ST3GAL3: variants seen among roughly 807,000 people sequenced by gnomAD.
The protein encoded by ST3GAL3 is ST3 beta-galactoside alpha-2,3-sialyltransferase 3.
A neutral mutation model predicts 50.1 loss-of-function variants in ST3GAL3; 21 were observed. The observed-to-expected ratio is 0.42, with a 90% CI of 0.30 to 0.60. ST3GAL3 has a LOEUF of 0.60. Among genes scored for constraint, ST3GAL3 ranks in the 20% least tolerant of loss-of-function variants. The pLI is 0.19. For missense variants in ST3GAL3, 353 were observed against 489.4 expected, an observed-to-expected ratio of 0.72 and a Z score of 2.63; for synonymous variants, 183 against 190.0, an observed-to-expected ratio of 0.96 and a Z score of 0.30.
At chr1:43,824,314 T>G (rs1274317624) in intron 4 of ST3GAL3, among the ~76,000 whole-genome samples, 4 of 151,860 alleles carry the variant, frequency 2.6e-5, no homozygotes, top group Non-Finnish European at 5.9e-5. Context: ...TTGAAGAACT[T>G]CTGCCACCAT....
chr1:43,752,515 G>T (rs1686549089), intron 2 of ST3GAL3, among the ~76,000 whole-genome samples: 1 of 151,930 alleles, frequency 6.6e-6, no homozygotes, highest in African/African-American at 2.4e-5. Context: ...TTGTTTGTTT[G>T]TTTCAGACAG....
At chr1:43,777,617 T>G (rs887607764) in intron 2 of ST3GAL3, among the ~76,000 whole-genome samples, 2 of 152,132 alleles carry the variant, frequency 1.3e-5, no homozygotes, top group Non-Finnish European at 2.9e-5. Context: ...CAAGACGGAT[T>G]AAAGACTTAA....
chr1:43,774,981 A>G (rs1343490187), intron 2 of ST3GAL3, among the ~76,000 whole-genome samples: 2 of 152,100 alleles, frequency 1.3e-5, no homozygotes, highest in Non-Finnish European at 2.9e-5. Flanking sequence ...CCAGTCTGAG[A>G]TGCTATCTCA....
chr1:43,776,870 A>G (rs1053692946), intron 2 of ST3GAL3, among the ~76,000 whole-genome samples: 2 of 152,206 alleles, frequency 1.3e-5, no homozygotes, highest in Admixed American at 6.5e-5. Context: ...TCTCATGAGA[A>G]AGTATAAAGA....
intron 11 of ST3GAL3, 53 bp downstream of exon 11, chr1:43,920,981 A>T (rs1490133563): frequency 6.4e-7 from 1 of 1,551,492 alleles, no homozygotes; most frequent in Non-Finnish European, 8.7e-7. Context: ...GGGGAGGTGC[A>T]TAAATGAGTA....
chr1:43,848,367 G>A (rs1252155842), intron 5 of ST3GAL3, among the ~76,000 whole-genome samples: 1 of 145,750 alleles, frequency 6.9e-6, no homozygotes, highest in Non-Finnish European at 1.5e-5. Context: ...GTGCAATGGC[G>A]CGATCTTGGT....
intron 2 of ST3GAL3, among the ~76,000 whole-genome samples, chr1:43,754,884 A>G (rs1299945196): frequency 6.6e-6 from 1 of 151,848 alleles, no homozygotes; most frequent in East Asian, 1.9e-4. Context: ...TGTGAGGTCA[A>G]GGCTGCACTC....
In ST3GAL3 at chr1:43,775,285, G is replaced by A. The variant is rs113540240; in HGVS notation, c.119-16817G>A. 7.5e-3 allele frequency among the ~76,000 whole-genome samples: 1,130 copies of A among 151,262 alleles called. 13 individuals carry two copies. The highest frequency in any genetic ancestry group is 9.6e-3 in the Non-Finnish European group (653 of 67,898). Reference sequence around the variant, plus strand: ...TCGCGCTCTTGTCACCCAGGCTGGAGTGGAATGGTATGATCTCAGCTCACT... The same window carrying A: ...TCGCGCTCTTGTCACCCAGGCTGGAATGGAATGGTATGATCTCAGCTCACT... On this transcript the variant is annotated intron_variant, in intron 2 of 11. Coordinates refer to ENST00000347631, the MANE Select transcript of ST3GAL3 (RefSeq NM_006279.5).
chr1:43,930,105 A>G (rs2084814025), intron 11 of ST3GAL3, 27 bp from the exon 12 acceptor site: 2 of 1,609,832 alleles, frequency 1.2e-6, no homozygotes, highest in Admixed American at 3.3e-5. Context: ...GCAAAGGCCC[A>G]ACTGATCACT....
intron 5 of ST3GAL3, among the ~76,000 whole-genome samples, chr1:43,866,058 A>G (rs1229848396): frequency 6.6e-6 from 1 of 152,196 alleles, no homozygotes; most frequent in Non-Finnish European, 1.5e-5. Context: ...CTCCTCTGGA[A>G]TTATCACTGT....
intron 1 of ST3GAL3, among the ~76,000 whole-genome samples, chr1:43,715,459 C>T (rs1007930931): frequency 4.7e-4 from 71 of 151,874 alleles, no homozygotes; most frequent in Non-Finnish European, 9.9e-4. Context: ...GCCTCTGGTA[C>T]CCCCTACTTG....
At chr1:43,857,147 T>C (rs2068556771) in intron 5 of ST3GAL3, among the ~76,000 whole-genome samples, 1 of 152,184 alleles carries the variant, frequency 6.6e-6, no homozygotes, top group African/African-American at 2.4e-5. Flanking sequence ...CTTATCCCTT[T>C]CTAACTTCTA....
intron 5 of ST3GAL3, chr1:43,841,112 C>T (rs748280600): frequency 3.9e-5 from 6 of 152,316 alleles, no homozygotes; most frequent in Non-Finnish European, 8.8e-5. Context: ...GCCCCTGTGG[C>T]TTTGCAGGGT....
chr1:43,720,412 G>A (rs962949728), intron 1 of ST3GAL3: 2 of 152,148 alleles, frequency 1.3e-5, no homozygotes, highest in African/African-American at 4.8e-5. Flanking sequence ...AGTCCATTTT[G>A]TGTTACTATA....
intron 4 of ST3GAL3, among the ~76,000 whole-genome samples, chr1:43,836,664 GT>G (rs1055846652): frequency 1.3e-5 from 2 of 152,246 alleles, no homozygotes; most frequent in Non-Finnish European, 2.9e-5. Flanking sequence ...AAGGGTGGGG[GT>G]GGAGGAGGTG....
intron 1 of ST3GAL3, among the ~76,000 whole-genome samples, chr1:43,732,171 C>T (rs919616450): frequency 1.3e-5 from 2 of 152,192 alleles, no homozygotes; most frequent in African/African-American, 2.4e-5. Flanking sequence ...TGTTATTCTC[C>T]TGCCCTGGCA....
chr1:43,845,167 G>A (rs2066032624), intron 5 of ST3GAL3, among the ~76,000 whole-genome samples: 1 of 152,062 alleles, frequency 6.6e-6, no homozygotes, highest in African/African-American at 2.4e-5. Flanking sequence ...ATTTTTAGTA[G>A]AGATGGTGTT....
At chr1:43,917,406 CTTTT>C (rs1171219858) in intron 9 of ST3GAL3, among the ~76,000 whole-genome samples, 1 of 125,854 alleles carries the variant, frequency 7.9e-6, no homozygotes, top group Non-Finnish European at 1.6e-5. Flanking sequence ...ATTTTTACCA[CTTTT>C]TTGTTTCCCT....
At chr1:43,796,679 A>G (rs558907288) in intron 3 of ST3GAL3, among the ~76,000 whole-genome samples, 22 of 152,388 alleles carry the variant, frequency 1.4e-4, no homozygotes, top group African/African-American at 5.3e-4. Context: ...GAGTCTCATA[A>G]TAAGATTCAG....
Sources: allele counts gnomAD v4.1 joint callset (sites outside exome capture counted in the v4.1 genomes callset), GRCh38; gene constraint gnomAD v4.1.1; transcripts MANE v1.5; gene names NCBI Gene and HGNC (gene_info 2026-07-23, HGNC 2026-07-21).